SASH1: variants seen among roughly 807,000 people sequenced by gnomAD.
SASH1 encodes the protein SAM and SH3 domain-containing protein 1.
Under a neutral mutation model 125.2 loss-of-function variants are expected in SASH1, and 44 were observed. That is an observed-to-expected ratio of 0.35 (90% CI 0.28 to 0.45). The LOEUF (loss-of-function observed/expected upper bound fraction) is 0.45. SASH1 is among the 20% of genes least tolerant of loss of function. SASH1 has a pLI of 1.00. For missense variants in SASH1, 1,426 were observed against 1,614.5 expected (o/e 0.88, Z 2.00); for synonymous variants, 639 against 649.1 (o/e 0.98, Z 0.24).
At chr6:148,275,175 A>G (rs1779152513) in intron 1 of SASH1, among the ~76,000 whole-genome samples, 1 of 152,258 alleles carries the variant, frequency 6.6e-6, no homozygotes, top group African/African-American at 2.4e-5. Context: ...AGGGGAAGAA[A>G]GAACTTGCGT....
chr6:148,213,555 G>A, the SASH1 span, among the ~76,000 whole-genome samples: 2 of 141,164 alleles, frequency 1.4e-5, no homozygotes, highest in African/African-American at 2.5e-5. Flanking sequence ...AGAAAAGCAC[G>A]GGGAAGGGAG....
At chr6:148,273,311 T>G (rs866435875) in intron 1 of SASH1, among the ~76,000 whole-genome samples, 3 of 150,390 alleles carry the variant, frequency 2.0e-5, no homozygotes, top group Admixed American at 6.6e-5. Flanking sequence ...TTTTTTTTTT[T>G]GAGACAGAGT....
chr6:148,335,715 A>C (rs368836062), intron 1 of SASH1, among the ~76,000 whole-genome samples: 1 of 152,172 alleles, frequency 6.6e-6, no homozygotes, highest in Non-Finnish European at 1.5e-5. Flanking sequence ...GGCAGAGAGT[A>C]GGTTTTCCAT....
chr6:148,239,422 G>A, the SASH1 span, among the ~76,000 whole-genome samples: 2 of 152,194 alleles, frequency 1.3e-5, no homozygotes, highest in African/African-American at 4.8e-5. Flanking sequence ...CCGTAACAGG[G>A]CGTGGATTTG....
In SASH1 at chr6:148,519,328, A is replaced by G. The variant is rs1038166844; in HGVS notation, c.863-219A>G. Reference sequence around the variant, plus strand: ...CTGTGAAGGTGTTAGGTCTACAAAGATATTTAAAGAAGAAGAAAACACATC... The same window carrying G: ...CTGTGAAGGTGTTAGGTCTACAAAGGTATTTAAAGAAGAAGAAAACACATC... On this transcript the variant is annotated intron_variant, in intron 9 of 19. Transcript: ENST00000367467. This position sits in a 1 kb window ranked among gnomAD's most constrained non-coding sequence, Gnocchi z 4.8. Among the ~76,000 whole-genome samples, 1 of 152,230 alleles carries G rather than the reference A, an allele frequency of 6.6e-6. No individual in the cohort carries two copies. Among genetic ancestry groups the G allele is most frequent in the African/African-American group, 2.4e-5 (1 of 41,468 alleles).
chr6:148,324,122 A>AAAAAAAAAC lies in SASH1; in HGVS notation n.74+51753_74+51754insCAAAAAAAA, dbSNP rs1433305080. ...TGACAGAGCAAGAATCTGTCTCAAA[A>AAAAAAAAAC]AAAAAAAAAAAAAACAAGCATAAGT... On this transcript the variant is annotated intron_variant and non_coding_transcript_variant, in intron 1 of 3. Transcript: ENST00000367469. 3.4e-4 allele frequency among the ~76,000 whole-genome samples: 51 copies of AAAAAAAAAC among 148,738 alleles called. 5 individuals carry two copies. The highest frequency in any genetic ancestry group is 1.3e-3 in the African/African-American group (51 of 40,152).
the SASH1 span, among the ~76,000 whole-genome samples, chr6:148,252,997 TG>T: frequency 2.2e-4 from 33 of 152,156 alleles, no homozygotes; most frequent in African/African-American, 7.2e-4. Flanking sequence ...GACTAGCCCG[TG>T]GGGCAGCCTC....
chr6:148,326,323 C>CATATGTATGTATAT (rs71004286), intron 1 of SASH1, among the ~76,000 whole-genome samples: 1 of 9,816 alleles, frequency 1.0e-4, no homozygotes, highest in African/African-American at 4.1e-4. Flanking sequence ...CCACCGCATG[C>CATATGTATGTATAT]ATATATATAT....
At chr6:148,505,649 T>C (rs1779758162) in intron 8 of SASH1, among the ~76,000 whole-genome samples, 1 of 149,186 alleles carries the variant, frequency 6.7e-6, no homozygotes, top group African/African-American at 2.5e-5. Flanking sequence ...TTTTTTTCTT[T>C]TTTCTTTTTG....
At chr6:148,254,203 G>T in the SASH1 span, among the ~76,000 whole-genome samples, 1 of 150,682 alleles carries the variant, frequency 6.6e-6, no homozygotes, top group Non-Finnish European at 1.5e-5. Context: ...ATGAAACTCT[G>T]TCTCAAAAAA....
intron 16 of SASH1, among the ~76,000 whole-genome samples, chr6:148,536,871 G>T (rs1781878104): frequency 6.6e-6 from 1 of 152,214 alleles, no homozygotes; most frequent in Non-Finnish European, 1.5e-5. Context: ...AGGTGAAGAA[G>T]ACCTCTTTGC....
intron 7 of SASH1, among the ~76,000 whole-genome samples, chr6:148,486,154 C>T (rs1232813175): frequency 1.3e-5 from 2 of 152,228 alleles, no homozygotes; most frequent in African/African-American, 4.8e-5. Context: ...GAGTTTTGCT[C>T]TTGTCGCCCG....
intron 1 of SASH1, among the ~76,000 whole-genome samples, chr6:148,315,580 T>C (rs774906777): frequency 6.6e-6 from 1 of 152,210 alleles, no homozygotes; most frequent in Non-Finnish European, 1.5e-5. Flanking sequence ...TTCCTCGCTT[T>C]AGTTATGGGA....
chr6:148,494,625 C>CA (rs1326202347), intron 8 of SASH1, among the ~76,000 whole-genome samples: 3 of 151,712 alleles, frequency 2.0e-5, no homozygotes, highest in South Asian at 4.2e-4. Context: ...GACTCCGTCT[C>CA]AAAAAAACAA....
the SASH1 span, among the ~76,000 whole-genome samples, chr6:148,213,340 T>A: frequency 6.6e-6 from 1 of 152,152 alleles, no homozygotes; most frequent in Admixed American, 6.5e-5. Context: ...AACCCCAGAT[T>A]AAGAATCTGT....
chr6:148,461,599 C>G (rs1777612439), intron 4 of SASH1, among the ~76,000 whole-genome samples: 1 of 152,072 alleles, frequency 6.6e-6, no homozygotes. Context: ...AATCTTACAC[C>G]AAATCAACAC....
At chr6:148,297,966 A>C (rs1344954172) in intron 1 of SASH1, among the ~76,000 whole-genome samples, 2 of 152,162 alleles carry the variant, frequency 1.3e-5, no homozygotes, top group Non-Finnish European at 2.9e-5. Context: ...TCATTAAAAC[A>C]GAATAGAATG....
intron 2 of SASH1, among the ~76,000 whole-genome samples, chr6:148,394,085 G>GT (rs954773934): frequency 6.6e-6 from 1 of 151,862 alleles, no homozygotes; most frequent in Admixed American, 6.6e-5. Context: ...TAGAGATAGG[G>GT]TTTTACCATG....
At chr6:148,302,207 C>T (rs1039451897) in intron 1 of SASH1, among the ~76,000 whole-genome samples, 7 of 143,192 alleles carry the variant, frequency 4.9e-5, no homozygotes, top group Non-Finnish European at 7.5e-5. Context: ...CCCAGCTACT[C>T]GGGAGGCAGC....
Sources: gnomAD v4.1 joint callset for allele counts (sites outside exome capture counted in the v4.1 genomes callset) on GRCh38, gnomAD v4.1.1 for gene constraint, Gnocchi (gnomAD v3.1) non-coding constraint, MANE v1.5 for transcripts, NCBI Gene and HGNC (gene_info 2026-07-23, HGNC 2026-07-21) for gene names.